Variants in PAPOLA observed in about 807,000 individuals in gnomAD.
The protein encoded by PAPOLA is polynucleotide adenylyltransferase alpha.
PAPOLA carries 15 observed loss-of-function variants against 100.6 expected under a neutral mutation model. The observed-to-expected ratio is 0.15, with a 90% CI of 0.10 to 0.23. The LOEUF (loss-of-function observed/expected upper bound fraction) is 0.23. PAPOLA is among the 10% of genes least tolerant of loss of function. The pLI is 1.00. For missense variants in PAPOLA, 533 were observed against 884.2 expected (o/e 0.60, Z 5.04); for synonymous variants, 293 against 300.0 (o/e 0.98, Z 0.24).
chr14:96,552,915 T>G, intron 17 of PAPOLA: 1 of 316,462 alleles, frequency 3.2e-6, no homozygotes. Flanking sequence ...TACAGTGCAC[T>G]GTATGGTGTG....
intron 4 of PAPOLA, among the ~76,000 whole-genome samples, 170 bp downstream of exon 4, chr14:96,525,561 A>G (rs540341071): frequency 2.3e-4 from 35 of 152,298 alleles, no homozygotes; most frequent in African/African-American, 8.2e-4. Flanking sequence ...GCTGACTTCT[A>G]TATCGCCACT....
chr14:96,517,487 A>G (rs746850406), intron 1 of PAPOLA, among the ~76,000 whole-genome samples: 2 of 152,182 alleles, frequency 1.3e-5, no homozygotes, highest in South Asian at 2.1e-4. Context: ...AAGTGTATGC[A>G]TATGTCCAAA....
chr14:96,552,817 ATTTTT>A, intron 17 of PAPOLA, 195 bp downstream of exon 17: 1 of 547,094 alleles, frequency 1.8e-6, no homozygotes, highest in South Asian at 2.4e-5. Context: ...TTAACATTTT[ATTTTT>A]GAGACTGATA....
At position 96,555,957 on chromosome 14, in the gene PAPOLA, T is replaced by C. The variant is rs769143749; in HGVS notation, c.1765+10T>C. 1 of 1,545,692 alleles carries C rather than the reference T, an allele frequency of 6.5e-7. No individual in the cohort carries two copies. Among genetic ancestry groups the C allele is most frequent in the Middle Eastern group, 1.7e-4 (1 of 5,918 alleles). ...AGTGAAAGCTCAGGGGGTAAGGAGATTGGGTTTGTCAGGTTTGAGAATTCT... is the reference window on the plus strand; with the variant it reads ...AGTGAAAGCTCAGGGGGTAAGGAGACTGGGTTTGTCAGGTTTGAGAATTCT... On this transcript the variant is annotated intron_variant, in intron 18 of 21. Coordinates refer to ENST00000216277, the MANE Select transcript of PAPOLA (RefSeq NM_032632.5).
At chr14:96,555,603 A>G (rs916286705) in intron 17 of PAPOLA, among the ~76,000 whole-genome samples, 9 of 152,214 alleles carry the variant, frequency 5.9e-5, no homozygotes, top group Non-Finnish European at 1.3e-4. Flanking sequence ...TAGCACAGAT[A>G]TAGAACATTC....
At chr14:96,538,924 G>C (rs957933582) in intron 12 of PAPOLA, among the ~76,000 whole-genome samples, 2 of 152,038 alleles carry the variant, frequency 1.3e-5, no homozygotes, top group African/African-American at 4.8e-5. Context: ...TTTAAATCAT[G>C]TGAAATATAC....
chr14:96,561,238 A>AT (rs1012417485), intron 20 of PAPOLA, among the ~76,000 whole-genome samples: 1 of 147,968 alleles, frequency 6.8e-6, no homozygotes, highest in African/African-American at 2.5e-5. Flanking sequence ...GGTGGAAGAA[A>AT]TTTTTTTTTC....
intron 20 of PAPOLA, among the ~76,000 whole-genome samples, 182 bp downstream of exon 20, chr14:96,560,893 G>C (rs57076754): frequency 0.046 from 6,931 of 152,120 alleles, 180 homozygotes; most frequent in Non-Finnish European, 0.058. Context: ...AACACATTCT[G>C]TGCCTTTAAA....
At chr14:96,562,508 G>T in intron 20 of PAPOLA, 1 of 170,314 alleles carries the variant, frequency 5.9e-6, no homozygotes, top group African/African-American at 2.4e-5. Flanking sequence ...AACATTTCAT[G>T]ATGTGCCTAT....
intron 17 of PAPOLA, among the ~76,000 whole-genome samples, chr14:96,555,052 A>G (rs2140325913): frequency 6.6e-6 from 1 of 152,200 alleles, no homozygotes; most frequent in South Asian, 2.1e-4. Flanking sequence ...AGGGTTTAAA[A>G]TAAGTTATTT....
intron 3 of PAPOLA, 120 bp from the exon 4 acceptor site, chr14:96,525,189 AC>A (rs1199316575): frequency 1.6e-6 from 1 of 613,610 alleles, no homozygotes; most frequent in Non-Finnish European, 2.9e-6. Context: ...GACTTTGAAT[AC>A]CCTTTATATA....
chr14:96,560,421 C>T (rs908637308), intron 19 of PAPOLA: 15 of 394,032 alleles, frequency 3.8e-5, no homozygotes, highest in African/African-American at 2.5e-4. Context: ...AGGTGGTGAT[C>T]TGCAGTAACA....
intron 16 of PAPOLA, among the ~76,000 whole-genome samples, chr14:96,550,092 GA>G (rs1219013305): frequency 6.6e-6 from 1 of 152,134 alleles, no homozygotes; most frequent in Non-Finnish European, 1.5e-5. Context: ...AGGCTGCAGT[GA>G]ACTTATGATT....
At chr14:96,525,911 C>T (rs980472033) in intron 4 of PAPOLA, 41 of 152,278 alleles carry the variant, frequency 2.7e-4, no homozygotes, top group African/African-American at 9.6e-4. Flanking sequence ...GTGCTGCTAT[C>T]TACATATATA....
intron 16 of PAPOLA, among the ~76,000 whole-genome samples, chr14:96,548,389 A>G (rs1036493954): frequency 6.6e-6 from 1 of 152,164 alleles, no homozygotes; most frequent in South Asian, 2.1e-4. Flanking sequence ...GAGGTCATGA[A>G]CAGAGGTCAC....
chr14:96,502,542 C>A lies in PAPOLA; in HGVS notation c.-51C>A. The A allele has an allele frequency of 6.9e-7, 1 of 1,447,382 alleles. No individual in the cohort carries two copies. The highest frequency in any genetic ancestry group is 9.4e-7 in the Non-Finnish European group (1 of 1,060,672). 89.7% of individuals were successfully genotyped at this position (1,447,382 alleles called of 1,614,324 possible). A position where few individuals can be genotyped will look rare whatever the true frequency, so the allele number is the denominator to read the frequency against. On this transcript the variant is annotated 5_prime_UTR_variant, in exon 1 of 22. Transcript: ENST00000216277. ...CAGTGGATCATGCCCAGGGCGGCAGCGGCGGCGGTTGCGGGGGGGAAGTGA... is the reference window on the plus strand; with the variant it reads ...CAGTGGATCATGCCCAGGGCGGCAGAGGCGGCGGTTGCGGGGGGGAAGTGA...
chr14:96,509,097 T>A (rs1300304013), intron 1 of PAPOLA, among the ~76,000 whole-genome samples: 14 of 152,264 alleles, frequency 9.2e-5, no homozygotes, highest in Non-Finnish European at 1.9e-4. Flanking sequence ...AGTGGTGTGA[T>A]CATGGGTCAC....
chr14:96,508,628 A>C (rs367745181), intron 1 of PAPOLA, among the ~76,000 whole-genome samples: 6 of 152,246 alleles, frequency 3.9e-5, no homozygotes, highest in African/African-American at 1.2e-4. Context: ...CTTTAGGTTA[A>C]CATTACAATT....
intron 3 of PAPOLA, 111 bp downstream of exon 3, chr14:96,521,183 A>T (rs1257602064): frequency 3.0e-6 from 2 of 668,590 alleles, no homozygotes; most frequent in Admixed American, 5.0e-5. Context: ...TTTAATGTGG[A>T]GTCAATTTTA....
Sources: allele counts gnomAD v4.1 joint callset (sites outside exome capture counted in the v4.1 genomes callset), GRCh38; gene constraint gnomAD v4.1.1; transcripts MANE v1.5; gene names NCBI Gene and HGNC (gene_info 2026-07-23, HGNC 2026-07-21).